KAZN: variants seen among roughly 807,000 people sequenced by gnomAD.
KAZN encodes kazrin, periplakin interacting protein.
KAZN carries 40 observed loss-of-function variants against 87.4 expected under a neutral mutation model. That is an observed-to-expected ratio of 0.46 (90% CI 0.36 to 0.60). KAZN has a LOEUF of 0.60. Among genes scored for constraint, KAZN ranks in the 20% least tolerant of loss-of-function variants. KAZN has a pLI of 0.00. For synonymous variants in KAZN, 466 were observed against 458.3 expected, an observed-to-expected ratio of 1.02 and a Z score of -0.22; for missense variants, 898 against 1,073.9, an observed-to-expected ratio of 0.84 and a Z score of 2.29.
At chr1:14,382,458 T>TCCTTCCC (rs1553164583) in intron 2 of KAZN, among the ~76,000 whole-genome samples, 1 of 38,006 alleles carries the variant, frequency 2.6e-5, no homozygotes, top group Non-Finnish European at 4.6e-5. Context: ...CCCAATGCTA[T>TCCTTCCC]CCCTCCCCCC....
intron 2 of KAZN, among the ~76,000 whole-genome samples, chr1:14,444,100 A>G (rs1165764539): frequency 1.3e-5 from 2 of 152,258 alleles, no homozygotes; most frequent in East Asian, 3.9e-4. Context: ...GTTTTCTTTA[A>G]TAGACTTCAA....
chr1:14,092,282 G>T (rs1009688318), intron 1 of KAZN, among the ~76,000 whole-genome samples: 8 of 150,724 alleles, frequency 5.3e-5, no homozygotes, highest in Non-Finnish European at 8.9e-5. Context: ...TAGTAGAGAC[G>T]GGGTTTCACT....
intron 1 of KAZN, among the ~76,000 whole-genome samples, chr1:13,928,185 A>G (rs1299157203): frequency 1.3e-5 from 2 of 152,228 alleles, no homozygotes; most frequent in African/African-American, 4.8e-5. Context: ...GTGACTTTAA[A>G]AATGTGCCAT....
At chr1:14,032,804 G>T (rs1392083557) in intron 1 of KAZN, among the ~76,000 whole-genome samples, 2 of 152,176 alleles carry the variant, frequency 1.3e-5, no homozygotes, top group African/African-American at 4.8e-5. Context: ...TCTTGGTAAT[G>T]ATGAGAGCTG....
chr1:15,001,764 T>C (rs528014883), intron 2 of KAZN, among the ~76,000 whole-genome samples: 1 of 152,186 alleles, frequency 6.6e-6, no homozygotes, highest in Admixed American at 6.5e-5. Context: ...TGTTAATCAT[T>C]GTTCAGAAGG....
chr1:14,166,411 T>C (rs544554399), intron 1 of KAZN, among the ~76,000 whole-genome samples: 1 of 152,342 alleles, frequency 6.6e-6, no homozygotes, highest in South Asian at 2.1e-4. Flanking sequence ...AGTTCTGCCA[T>C]TGATTGCCTG....
chr1:15,063,789 G>A (rs1044387104), intron 7 of KAZN, among the ~76,000 whole-genome samples, 167 bp downstream of exon 7: 1 of 150,890 alleles, frequency 6.6e-6, no homozygotes, highest in Non-Finnish European at 1.5e-5. Flanking sequence ...AGGCGGAGAG[G>A]ATTTATGCCA....
chr1:14,854,767 TG>T (rs1247779193), intron 1 of KAZN, among the ~76,000 whole-genome samples: 1 of 152,124 alleles, frequency 6.6e-6, no homozygotes, highest in Non-Finnish European at 1.5e-5. Context: ...CACATGAGTT[TG>T]GATGGGGACA....
chr1:14,665,147 A>C (rs983423100), intron 1 of KAZN, among the ~76,000 whole-genome samples: 11 of 152,176 alleles, frequency 7.2e-5, no homozygotes, highest in African/African-American at 2.7e-4. Flanking sequence ...GATACCTGTG[A>C]CCAACCTCAT....
chr1:14,417,341 G>C (rs908621164), intron 2 of KAZN, among the ~76,000 whole-genome samples: 1 of 152,094 alleles, frequency 6.6e-6, no homozygotes, highest in African/African-American at 2.4e-5. Flanking sequence ...AATTGTTATC[G>C]AGAGCAAAAG....
At chr1:14,477,356 C>T (rs546361891) in intron 2 of KAZN, among the ~76,000 whole-genome samples, 43 of 152,116 alleles carry the variant, frequency 2.8e-4, no homozygotes, top group African/African-American at 1.0e-3. Flanking sequence ...TCTTTTTCTT[C>T]CCAGCTTCGG....
chr1:15,008,618 T>C (rs1669268896), intron 2 of KAZN, among the ~76,000 whole-genome samples: 1 of 152,202 alleles, frequency 6.6e-6, no homozygotes, highest in Non-Finnish European at 1.5e-5. Flanking sequence ...CCAGAGGTTA[T>C]GTGACCTGCA....
intron 2 of KAZN, among the ~76,000 whole-genome samples, chr1:14,297,278 A>G (rs1486446521): frequency 2.6e-5 from 4 of 152,116 alleles, no homozygotes; most frequent in African/African-American, 4.8e-5. Context: ...TTTTTATGCC[A>G]TATACCATGT....
In KAZN at chr1:14,773,617, C is replaced by G. The variant is rs77905938; in HGVS notation, c.226+174394C>G. Among the ~76,000 whole-genome samples, 1 of 152,176 alleles carries G rather than the reference C, an allele frequency of 6.6e-6. No individual in the cohort carries two copies. The highest frequency in any genetic ancestry group is 1.5e-5 in the Non-Finnish European group (1 of 68,028). On this transcript the variant is annotated intron_variant, in intron 1 of 14. Coordinates refer to ENST00000376030, the MANE Select transcript of KAZN (RefSeq NM_201628.3). The surrounding 1 kb of genome is among the most constrained non-coding windows in gnomAD (Gnocchi z 5.9). ...ATAGGGAGTTGGAAATGAGGTCAGG[C>G]ACCCGCCACCCGGTTCTCCTTCTTC...
chr1:13,999,583 A>G (rs977917539), intron 1 of KAZN, among the ~76,000 whole-genome samples: 9 of 152,220 alleles, frequency 5.9e-5, no homozygotes, highest in African/African-American at 1.9e-4. Context: ...TTATAGCACT[A>G]TATGCCCACA....
At chr1:14,752,393 G>A (rs1478893499) in intron 1 of KAZN, among the ~76,000 whole-genome samples, 1 of 152,150 alleles carries the variant, frequency 6.6e-6, no homozygotes, top group Non-Finnish European at 1.5e-5. Context: ...CTAAGTGAAG[G>A]GCAGAGCTGT....
chr1:13,947,070 C>T (rs75750475), intron 1 of KAZN, among the ~76,000 whole-genome samples: 1 of 152,038 alleles, frequency 6.6e-6, no homozygotes, highest in African/African-American at 2.4e-5. Context: ...CCCATGGTCA[C>T]TGTATTAGTC....
At chr1:15,006,998 A>G (rs1401090539) in intron 2 of KAZN, among the ~76,000 whole-genome samples, 4 of 140,378 alleles carry the variant, frequency 2.8e-5, no homozygotes, top group African/African-American at 8.2e-5. Context: ...CGGAGCTTGC[A>G]GTGAGCTGAG....
At position 14,723,869 on chromosome 1, in the gene KAZN, G is replaced by T. The variant is rs565307498; in HGVS notation, c.226+124646G>T. 7.2e-5 allele frequency among the ~76,000 whole-genome samples: 11 copies of T among 152,238 alleles called. No homozygotes were observed. The East Asian group carries it at 2.1e-3, about 29-fold the overall frequency. On this transcript the variant is annotated intron_variant, in intron 1 of 14. Coordinates refer to ENST00000376030, the MANE Select transcript of KAZN (RefSeq NM_201628.3). ...TCCTATTTCCCAGACACTGTTGTGGGCACTGGGAACCCAGAGGTGATGAAA... is the reference window on the plus strand; with the variant it reads ...TCCTATTTCCCAGACACTGTTGTGGTCACTGGGAACCCAGAGGTGATGAAA...
Sources: gnomAD v4.1 joint callset for allele counts (sites outside exome capture counted in the v4.1 genomes callset) on GRCh38, gnomAD v4.1.1 for gene constraint, Gnocchi (gnomAD v3.1) non-coding constraint, MANE v1.5 for transcripts, NCBI Gene and HGNC (gene_info 2026-07-23, HGNC 2026-07-21) for gene names.